Variants in DMD observed in about 807,000 individuals in gnomAD.
DMD encodes the protein dystrophin, also known as mutant dystrophin.
DMD carries 63 observed loss-of-function variants against 330.1 expected under a neutral mutation model. The observed-to-expected ratio is 0.19, with a 90% CI of 0.16 to 0.24. The LOEUF (loss-of-function observed/expected upper bound fraction) is 0.24. Among genes scored for constraint, DMD ranks in the 10% least tolerant of loss-of-function variants. The pLI, the probability that DMD is intolerant of heterozygous loss-of-function variation, is 1.00. For missense variants in DMD, 3,344 were observed against 2,684.1 expected (o/e 1.25, Z -5.43); for synonymous variants, 1,223 against 959.8 (o/e 1.27, Z -5.07).
At chrX:31,563,079 T>A (rs1038209034) in intron 55 of DMD, among the ~76,000 whole-genome samples, 4 of 109,409 alleles carry the variant, frequency 3.7e-5, no homozygotes, top group African/African-American at 1.0e-4. Context: ...TTATTTATTT[T>A]TTGAGATGGA....
intron 1 of DMD, among the ~76,000 whole-genome samples, chrX:33,219,463 C>T (rs1167917368): frequency 6.5e-5 from 6 of 92,271 alleles, no homozygotes; most frequent in Non-Finnish European, 1.2e-4. Flanking sequence ...TTTTTTTCCA[C>T]TGGACAAAAA....
intron 1 of DMD, among the ~76,000 whole-genome samples, chrX:33,162,954 T>C (rs1024292033): frequency 9.0e-6 from 1 of 111,492 alleles, no homozygotes; most frequent in Admixed American, 9.6e-5. Flanking sequence ...AGAAACAGCA[T>C]AAACTATTGA....
intron 60 of DMD, among the ~76,000 whole-genome samples, chrX:31,372,122 CA>C (rs2059619011): frequency 9.0e-6 from 1 of 111,471 alleles, no homozygotes; most frequent in Non-Finnish European, 1.9e-5. Context: ...CCAAAGGTTG[CA>C]AACGGCTTAG....
intron 48 of DMD, among the ~76,000 whole-genome samples, chrX:31,853,584 G>A (rs1468460575): frequency 9.0e-6 from 1 of 111,330 alleles, no homozygotes; most frequent in East Asian, 2.8e-4. Flanking sequence ...TGTGAGTAAA[G>A]GGTTAAAAAC....
chrX:33,308,745 T>C (rs1253185885), intron 1 of DMD, among the ~76,000 whole-genome samples: 2 of 111,448 alleles, frequency 1.8e-5, no homozygotes, highest in African/African-American at 6.5e-5. Context: ...TGTTGTTCCT[T>C]AGTATTGAGG....
At chrX:31,809,674 C>A (rs988865875) in intron 50 of DMD, among the ~76,000 whole-genome samples, 2 of 111,009 alleles carry the variant, frequency 1.8e-5, no homozygotes, top group East Asian at 5.6e-4. Flanking sequence ...GCATGTAAAG[C>A]AGAGGTTCTC....
intron 1 of DMD, among the ~76,000 whole-genome samples, chrX:33,133,026 C>G (rs1244007833): frequency 1.8e-5 from 2 of 111,436 alleles, no homozygotes; most frequent in African/African-American, 6.5e-5. Flanking sequence ...ACAAAATAAG[C>G]CTTTGAAGTG....
chrX:31,350,630 TGTGAGAGAGAGA>T (rs1326885034), intron 60 of DMD, among the ~76,000 whole-genome samples: 203 of 47,465 alleles, frequency 4.3e-3, no homozygotes, highest in Non-Finnish European at 5.3e-3. Context: ...TGTGTGTGTG[TGTGAGAGAGAGA>T]GAGAGAGAGA....
intron 47 of DMD, among the ~76,000 whole-genome samples, chrX:31,917,889 C>T (rs2094630330): frequency 8.9e-6 from 1 of 111,903 alleles, no homozygotes; most frequent in African/African-American, 3.3e-5. Flanking sequence ...TGTAGACACA[C>T]CAATTCCCCT....
At chrX:32,314,038 A>G (rs1198726616) in intron 41 of DMD, among the ~76,000 whole-genome samples, 2 of 112,002 alleles carry the variant, frequency 1.8e-5, no homozygotes, top group East Asian at 5.7e-4. Flanking sequence ...ACAGAATTAG[A>G]ACAAACTACT....
At position 32,690,681 on chromosome X, in the gene DMD, A is replaced by G. The variant is rs894890368; in HGVS notation, c.960+7189T>C. Among the ~76,000 whole-genome samples the G allele has an allele frequency of 4.5e-5, 5 of 111,484 alleles. No individual in the cohort carries two copies. The East Asian group carries it at 1.1e-3, about 25-fold the overall frequency. On this transcript the variant is annotated intron_variant, in intron 9 of 78. Transcript: ENST00000357033. ...ATAGAACAGAATAGAGCCCAGATATAAATCTACACATATAGGGTTAACTGA... is the reference window on the plus strand; with the variant it reads ...ATAGAACAGAATAGAGCCCAGATATGAATCTACACATATAGGGTTAACTGA...
intron 18 of DMD, among the ~76,000 whole-genome samples, chrX:32,514,515 G>A (rs911290582): frequency 1.8e-5 from 2 of 111,942 alleles, no homozygotes; most frequent in Non-Finnish European, 3.8e-5. Flanking sequence ...GCCGAGGCGG[G>A]CGGATCACGA....
intron 47 of DMD, among the ~76,000 whole-genome samples, chrX:31,899,221 T>A (rs2094389794): frequency 8.9e-6 from 1 of 111,759 alleles, no homozygotes; most frequent in South Asian, 3.6e-4. Context: ...ATAATCTCAA[T>A]TTTATAAGAA....
intron 60 of DMD, among the ~76,000 whole-genome samples, chrX:31,351,330 T>C (rs752603719): frequency 9.0e-6 from 1 of 111,155 alleles, no homozygotes; most frequent in South Asian, 3.8e-4. Flanking sequence ...GGGAATTAAA[T>C]AAGATGATAC....
rs183599134 is a variant in DMD, at chrX:31,122,628, A to C, written c.11047-698T>G. Among the ~76,000 whole-genome samples the C allele has an allele frequency of 7.2e-5, 8 of 111,888 alleles. No homozygotes were observed. The East Asian group carries it at 2.2e-3, about 31-fold the overall frequency. ...AACATTTGAATTAGGAAACCTCAGA[A>C]TAAAAATTGCTTTACATTCCAAATT... On this transcript the variant is annotated intron_variant, in intron 78 of 78. Transcript: ENST00000357033.
chrX:31,401,054 G>A (rs1171043422), intron 60 of DMD, among the ~76,000 whole-genome samples: 1 of 111,693 alleles, frequency 9.0e-6, no homozygotes, highest in Admixed American at 9.6e-5. Flanking sequence ...AACTGGGTTT[G>A]AATGACCAAA....
At chrX:32,943,261 G>T (rs2090555620) in intron 2 of DMD, among the ~76,000 whole-genome samples, 1 of 111,314 alleles carries the variant, frequency 9.0e-6, no homozygotes, top group Non-Finnish European at 1.9e-5. Context: ...TGAAAACATT[G>T]ATTCAAACAA....
chrX:31,624,882 C>A (rs2078755148), intron 55 of DMD, among the ~76,000 whole-genome samples: 1 of 112,083 alleles, frequency 8.9e-6, no homozygotes, highest in South Asian at 3.7e-4. Flanking sequence ...CAAACACTTC[C>A]ATTTAGCTGA....
chrX:32,545,698 G>A (rs183415097), intron 16 of DMD, among the ~76,000 whole-genome samples: 26 of 111,347 alleles, frequency 2.3e-4, no homozygotes, highest in Middle Eastern at 4.7e-3. Flanking sequence ...TGTTACTAAC[G>A]TACATCAGTA....
Sources: gnomAD v4.1 joint callset for allele counts (sites outside exome capture counted in the v4.1 genomes callset) on GRCh38, gnomAD v4.1.1 for gene constraint, MANE v1.5 for transcripts, NCBI Gene and HGNC (gene_info 2026-07-23, HGNC 2026-07-21) for gene names.